FBLN1: variants seen among roughly 807,000 people sequenced by gnomAD.
FBLN1 encodes the protein fibulin 1.
Under a neutral mutation model 89.7 loss-of-function variants are expected in FBLN1, and 34 were observed. The observed-to-expected ratio is 0.38, with a 90% CI of 0.29 to 0.50. FBLN1 has a LOEUF of 0.50. Ranked by LOEUF, FBLN1 falls within the 20% of genes least tolerant of loss-of-function variation. FBLN1 has a pLI of 0.92. For synonymous variants in FBLN1, 393 were observed against 391.3 expected (o/e 1.00, Z -0.05); for missense variants, 777 against 988.1 (o/e 0.79, Z 2.86).
rs1273138165 is a variant in FBLN1, at chr22:45,579,780, G to A, written c.1972+2672G>A. The stretch of plus-strand genomic sequence containing the variant: ...GCGCTGATCTTATTTCTCTGTCTGA[G>A]ATCTCCTCCTTGGGCTTCCATATCC... On this transcript the variant is annotated intron_variant, in intron 16 of 16. Coordinates refer to ENST00000327858, the MANE Select transcript of FBLN1 (RefSeq NM_006486.3). This position sits in a 1 kb window ranked among gnomAD's most constrained non-coding sequence, Gnocchi z 5.5. 6.6e-6 allele frequency among the ~76,000 whole-genome samples: 1 copy of A among 152,094 alleles called. No homozygotes were observed. The highest frequency in any genetic ancestry group is 1.5e-5 in the Non-Finnish European group (1 of 67,998).
At chr22:45,515,834 G>A (rs2238809) in intron 1 of FBLN1, among the ~76,000 whole-genome samples, 36,870 of 152,112 alleles carry the variant, frequency 0.24, 4,687 homozygotes, top group Middle Eastern at 0.3. Context: ...CAGAGAGGCG[G>A]CGCTGCCTGC....
Position 45,600,713 on chromosome 22 carries a change from C to T in FBLN1, c.*267C>T. The T allele has an allele frequency of 3.9e-6, 2 of 511,452 alleles. No individual in the cohort carries two copies. Among genetic ancestry groups the T allele is most frequent in the South Asian group, 4.1e-5 (2 of 48,646 alleles). The allele number at this position is 511,452 out of a possible 1,614,324, so 31.7% of individuals were successfully genotyped here. A position where few individuals can be genotyped will look rare whatever the true frequency, so the allele number is the denominator to read the frequency against. On this transcript the variant is annotated 3_prime_UTR_variant, in exon 17 of 17. Coordinates refer to ENST00000327858, the MANE Select transcript of FBLN1 (RefSeq NM_006486.3). The stretch of plus-strand genomic sequence containing the variant: ...GCTAAGTGTCACCCCCTTTCTCTGC[C>T]TCTGGCTGGGCCTTGCTAAGGGCCA...
chr22:45,573,680 C>CAAAAAAAAAAA (rs60082908), intron 14 of FBLN1, among the ~76,000 whole-genome samples: 13 of 58,960 alleles, frequency 2.2e-4, no homozygotes, highest in African/African-American at 1.0e-3. Context: ...GACTCTGTCT[C>CAAAAAAAAAAA]AAAAAAAAAA....
chr22:45,503,782 G>A (rs1451977405), intron 1 of FBLN1, among the ~76,000 whole-genome samples: 1 of 152,160 alleles, frequency 6.6e-6, no homozygotes, highest in Non-Finnish European at 1.5e-5. Context: ...CAACGGCAAG[G>A]GGGATGGAGT....
Position 45,600,381 on chromosome 22 carries a change from G to A in FBLN1, c.2047G>A (p.Gly683Arg), listed in dbSNP as rs755466681. The stretch of plus-strand genomic sequence containing the variant: ...GAAGCTGGAGATGAACTATGTGGTC[G>A]GGGGCGTGGTCTCCCACCGAAATGT... Reference protein sequence around the residue: ...VLKLEMNYVVGGVVSHRNVVN... With the variant: ...VLKLEMNYVVRGVVSHRNVVN... Residue 683 changes from glycine (G) to arginine (R), a missense_variant, in exon 17 of 17, where the codon GGG (glycine) becomes AGG (arginine). Physicochemically the swap from Gly to Arg is moderately radical, Grantham distance 125 (BLOSUM62 -2). Transcript: ENST00000327858. 2.8e-5 allele frequency: 45 copies of A among 1,613,982 alleles called. No individual in the cohort carries two copies. The highest frequency in any genetic ancestry group is 7.7e-5 in the South Asian group (7 of 91,074).
In FBLN1 at chr22:45,581,212, C is replaced by T. The variant is rs550704864; in HGVS notation, c.1972+4104C>T. Among the ~76,000 whole-genome samples, 4 of 152,278 alleles carry T rather than the reference C, an allele frequency of 2.6e-5. No individual in the cohort carries two copies. The highest frequency in any genetic ancestry group is 1.9e-4 in the East Asian group (1 of 5,154). On this transcript the variant is annotated intron_variant, in intron 16 of 16. Coordinates refer to ENST00000327858, the MANE Select transcript of FBLN1 (RefSeq NM_006486.3). The surrounding 1 kb of genome is among the most constrained non-coding windows in gnomAD (Gnocchi z 7.6). Reference sequence around the variant, plus strand: ...GGAAGAGAGAGACAGAAAGGCAACTCGAGGCCACCCGGGCTCCCCGGGCCC... The same window carrying T: ...GGAAGAGAGAGACAGAAAGGCAACTTGAGGCCACCCGGGCTCCCCGGGCCC...
intron 1 of FBLN1, among the ~76,000 whole-genome samples, chr22:45,518,086 C>T (rs1046561897): frequency 5.5e-5 from 8 of 145,102 alleles, no homozygotes; most frequent in Non-Finnish European, 8.9e-5. Context: ...GAGCTCAGAT[C>T]GCGCCATTGC....
At position 45,563,044 on chromosome 22, in the gene FBLN1, T is replaced by C. The variant is rs1322691873; in HGVS notation, c.1698-11467T>C. 6.2e-7 allele frequency: 1 copy of C among 1,613,362 alleles called. No homozygotes were observed. The highest frequency in any genetic ancestry group is 2.2e-5 in the East Asian group (1 of 44,824). The stretch of plus-strand genomic sequence containing the variant: ...TGGTTTTCCGCATGGGCCCCTCCAG[T>C]GCTGTCCCCGGGGACAGCATGCAGC... On this transcript the variant is annotated intron_variant, in intron 14 of 16. Transcript: ENST00000327858. The surrounding 1 kb of genome is among the most constrained non-coding windows in gnomAD (Gnocchi z 5.7).
At chr22:45,551,393 T>C (rs2088699117) in intron 14 of FBLN1, among the ~76,000 whole-genome samples, 1 of 152,218 alleles carries the variant, frequency 6.6e-6, no homozygotes, top group Non-Finnish European at 1.5e-5. Context: ...CCCTTGACCT[T>C]CAGCCTGCCT....
Position 45,503,036 on chromosome 22 carries a change from C to A in FBLN1, c.51C>A (p.Leu17=). The A allele has an allele frequency of 8.0e-7, 1 of 1,254,120 alleles. No homozygotes were observed. The highest frequency in any genetic ancestry group is 1.0e-6 in the Non-Finnish European group (1 of 1,000,576). 77.7% of individuals were successfully genotyped at this position (1,254,120 alleles called of 1,614,324 possible). A position where few individuals can be genotyped will look rare whatever the true frequency, so the allele number is the denominator to read the frequency against. The change falls in exon 1 of 17, where the codon CTC becomes CTA. Residue 17 remains leucine, a synonymous_variant. Transcript: ENST00000327858. ...SRRVPLPLLL[L]GGLALLAAGV... is the part of the protein sequence containing the mutation. Reference sequence around the variant, plus strand: ...GGGTCCCGCTTCCGCTGCTGCTGCTCGGCGGCCTTGCGCTGCTGGCGGCCG... The same window carrying A: ...GGGTCCCGCTTCCGCTGCTGCTGCTAGGCGGCCTTGCGCTGCTGGCGGCCG...
At position 45,556,600 on chromosome 22, in the gene FBLN1, A is replaced by T. The variant is rs1399762912; in HGVS notation, c.1697+5985A>T. On this transcript the variant is annotated intron_variant, in intron 14 of 16. Transcript: ENST00000327858. The surrounding 1 kb of genome is among the most constrained non-coding windows in gnomAD (Gnocchi z 4.6). ...AGAGATGCCCTAATGGATCTCCTGT[A>T]TTCCATGCATACTCTAACTTATCTT... 6.6e-6 allele frequency among the ~76,000 whole-genome samples: 1 copy of T among 152,136 alleles called. No individual in the cohort carries two copies. The highest frequency in any genetic ancestry group is 1.9e-4 in the East Asian group (1 of 5,188).
chr22:45,514,006 T>G (rs1569233900), intron 1 of FBLN1, among the ~76,000 whole-genome samples: 1 of 152,108 alleles, frequency 6.6e-6, no homozygotes, highest in Non-Finnish European at 1.5e-5. Flanking sequence ...TTGGTCAGGC[T>G]GGTCTCGAAC....
At chr22:45,570,355 GAAAAAAA>G (rs56383142) in intron 14 of FBLN1, among the ~76,000 whole-genome samples, 1 of 108,636 alleles carries the variant, frequency 9.2e-6, no homozygotes, top group Non-Finnish European at 1.8e-5. Flanking sequence ...GAAAAGAAAA[GAAAAAAA>G]AAAGAAAAAG....
rs1380084402 is a variant in FBLN1, at chr22:45,537,711, C to G, written c.922+2374C>G. ...AACCCGCCCCAGCCTTCCTCTGTTA[C>G]AGCTTCCCTGTCATCCCCTGGGGGA... On this transcript the variant is annotated intron_variant, in intron 8 of 16. Coordinates refer to ENST00000327858, the MANE Select transcript of FBLN1 (RefSeq NM_006486.3). This position sits in a 1 kb window ranked among gnomAD's most constrained non-coding sequence, Gnocchi z 5.7. Among the ~76,000 whole-genome samples, 1 of 152,134 alleles carries G rather than the reference C, an allele frequency of 6.6e-6. No homozygotes were observed.
chr22:45,566,837 A>G (rs372052312), intron 14 of FBLN1, among the ~76,000 whole-genome samples: 8 of 152,212 alleles, frequency 5.3e-5, no homozygotes, highest in East Asian at 1.9e-4. Flanking sequence ...GTCACTAGTA[A>G]ATCAAGCTCC....
chr22:45,599,746 C>T (rs2097483), intron 16 of FBLN1, among the ~76,000 whole-genome samples: 15,816 of 151,938 alleles, frequency 0.1, 1,143 homozygotes, highest in African/African-American at 0.2. Flanking sequence ...GGAGAAACCC[C>T]GTCTCTACTA....
rs112551858 is a variant in FBLN1 at position 45,563,053 on chromosome 22, C to T, written c.1698-11458C>T. The T allele has an allele frequency of 4.5e-4, 720 of 1,613,438 alleles. 4 individuals carry two copies. In the East Asian group the frequency reaches 0.012, roughly 27 times the overall value. On this transcript the variant is annotated intron_variant, in intron 14 of 16. Transcript: ENST00000327858. The surrounding 1 kb of genome is among the most constrained non-coding windows in gnomAD (Gnocchi z 5.7). ...GCATGGGCCCCTCCAGTGCTGTCCCCGGGGACAGCATGCAGCTGGCCATCA... is the reference window on the plus strand; with the variant it reads ...GCATGGGCCCCTCCAGTGCTGTCCCTGGGGACAGCATGCAGCTGGCCATCA...
At chr22:45,524,333 C>G (rs138626624) in intron 2 of FBLN1, among the ~76,000 whole-genome samples, 45 of 152,216 alleles carry the variant, frequency 3.0e-4, no homozygotes, top group African/African-American at 1.0e-3. Context: ...AGGGGCCACC[C>G]GTGACACACT....
At chr22:45,565,735 T>TGGAC (rs2088896404) in intron 14 of FBLN1, 1 of 162,832 alleles carries the variant, frequency 6.1e-6, no homozygotes, top group South Asian at 1.7e-4. Flanking sequence ...GATGGATGGA[T>TGGAC]GGATGGATAG....
Sources: gnomAD v4.1 joint callset for allele counts (sites outside exome capture counted in the v4.1 genomes callset) on GRCh38, gnomAD v4.1.1 for gene constraint, Gnocchi (gnomAD v3.1) non-coding constraint, MANE v1.5 for transcripts, NCBI Gene and HGNC (gene_info 2026-07-23, HGNC 2026-07-21) for gene names.